APBB2: variants seen among roughly 807,000 people sequenced by gnomAD.
APBB2 encodes the protein Fe65-like 1.
Under a neutral mutation model 82.5 loss-of-function variants are expected in APBB2, and 38 were observed. That is an observed-to-expected ratio of 0.46 (90% CI 0.36 to 0.60). The LOEUF is 0.60. Ranked by LOEUF, APBB2 falls within the 20% of genes least tolerant of loss-of-function variation. The probability of loss-of-function intolerance (pLI) is 0.00; values close to 1 mark genes in which losing one functional copy is unlikely to be tolerated. For missense variants in APBB2, 772 were observed against 972.3 expected (o/e 0.79, Z 2.74); for synonymous variants, 341 against 368.2 (o/e 0.93, Z 0.85).
At chr4:41,110,327 G>A (rs575073417) in intron 2 of APBB2, among the ~76,000 whole-genome samples, 83 of 152,144 alleles carry the variant, frequency 5.5e-4, no homozygotes, top group African/African-American at 1.9e-3. Context: ...GACCTCAGCC[G>A]GACACGGTGG....
intron 3 of APBB2, among the ~76,000 whole-genome samples, chr4:41,070,926 T>C (rs1222049674): frequency 2.0e-5 from 3 of 152,226 alleles, no homozygotes; most frequent in East Asian, 3.8e-4. Flanking sequence ...TACAAAGTGT[T>C]TAGTGTGCAG....
At chr4:40,939,170 C>T (rs1300669731) in intron 7 of APBB2, among the ~76,000 whole-genome samples, 6 of 152,140 alleles carry the variant, frequency 3.9e-5, no homozygotes, top group Non-Finnish European at 8.8e-5. Context: ...TTATAAATTA[C>T]CCAGTTTCAG....
chr4:40,941,361 G>C (rs1251916692), intron 7 of APBB2, among the ~76,000 whole-genome samples: 1 of 152,124 alleles, frequency 6.6e-6, no homozygotes, highest in Non-Finnish European at 1.5e-5. Context: ...TATTAAGAAA[G>C]GTCATTTTCT....
intron 4 of APBB2, among the ~76,000 whole-genome samples, chr4:41,056,057 G>A (rs1323612603): frequency 6.6e-6 from 1 of 152,112 alleles, no homozygotes; most frequent in Admixed American, 6.5e-5. Context: ...AGCCAGGCAT[G>A]GTGGCAGGTG....
At chr4:40,834,004 C>T (rs1577796247) in intron 12 of APBB2, among the ~76,000 whole-genome samples, 1 of 152,330 alleles carries the variant, frequency 6.6e-6, no homozygotes, top group South Asian at 2.1e-4. Flanking sequence ...CTTCATTTTC[C>T]TCTGGCGCAG....
intron 6 of APBB2, among the ~76,000 whole-genome samples, chr4:41,012,552 A>C (rs1317279790): frequency 6.6e-6 from 1 of 152,174 alleles, no homozygotes; most frequent in African/African-American, 2.4e-5. Context: ...TTTAAAGGGC[A>C]CTTCAAAAAC....
intron 4 of APBB2, among the ~76,000 whole-genome samples, chr4:41,061,753 C>T (rs1729934050): frequency 6.6e-6 from 1 of 152,230 alleles, no homozygotes; most frequent in East Asian, 1.9e-4. Context: ...TGCCATTCTG[C>T]ATTCCATCCA....
intron 10 of APBB2, among the ~76,000 whole-genome samples, chr4:40,928,415 CACACACACACACA>C (rs200944169): frequency 0.14 from 12,566 of 87,716 alleles, 558 homozygotes; most frequent in Middle Eastern, 0.23. Context: ...CACACACACA[CACACACACACACA>C]ATCAGCCAGG....
chr4:41,098,230 GCT>G (rs1744224333), intron 3 of APBB2, among the ~76,000 whole-genome samples: 1 of 151,800 alleles, frequency 6.6e-6, no homozygotes, highest in African/African-American at 2.4e-5. Context: ...CAAGTGTCAG[GCT>G]GTAGGGCTAT....
At chr4:40,902,112 A>G (rs991262930) in intron 10 of APBB2, among the ~76,000 whole-genome samples, 1 of 152,216 alleles carries the variant, frequency 6.6e-6, no homozygotes, top group Non-Finnish European at 1.5e-5. Context: ...TTGTTTTGCT[A>G]TAATGTTGAT....
At chr4:40,851,293 C>T (rs1479669410) in intron 12 of APBB2, among the ~76,000 whole-genome samples, 1 of 152,154 alleles carries the variant, frequency 6.6e-6, no homozygotes, top group East Asian at 1.9e-4. Context: ...AACCAAACAA[C>T]CTTTTGCTCA....
intron 4 of APBB2, among the ~76,000 whole-genome samples, chr4:41,048,618 A>C (rs975296901): frequency 4.0e-5 from 6 of 151,620 alleles, no homozygotes; most frequent in Non-Finnish European, 5.9e-5. Context: ...CAAAAAATAA[A>C]AATATTCTCC....
At chr4:40,850,037 T>G (rs1758838254) in intron 12 of APBB2, among the ~76,000 whole-genome samples, 1 of 152,204 alleles carries the variant, frequency 6.6e-6, no homozygotes, top group African/African-American at 2.4e-5. Context: ...CAGGTTACTT[T>G]TTATAGGCAG....
chr4:41,077,220 A>C (rs956837806), intron 3 of APBB2, among the ~76,000 whole-genome samples: 1 of 142,100 alleles, frequency 7.0e-6, no homozygotes, highest in African/African-American at 2.6e-5. Flanking sequence ...TATGTTGCCC[A>C]GACTTGTCTG....
At chr4:41,150,734 G>A (rs1179724712) in intron 1 of APBB2, among the ~76,000 whole-genome samples, 2 of 151,988 alleles carry the variant, frequency 1.3e-5, no homozygotes, top group Admixed American at 6.6e-5. Context: ...CCTCCTCACC[G>A]TTTTTTGTTT....
At chr4:40,871,073 T>C (rs1765393305) in intron 12 of APBB2, among the ~76,000 whole-genome samples, 1 of 151,972 alleles carries the variant, frequency 6.6e-6, no homozygotes, top group Non-Finnish European at 1.5e-5. Context: ...CCCACTCAGG[T>C]AATCCAGGAT....
chr4:40,925,910 A>C (rs1218861811), intron 10 of APBB2, among the ~76,000 whole-genome samples: 1 of 152,214 alleles, frequency 6.6e-6, no homozygotes, highest in African/African-American at 2.4e-5. Context: ...TTCGCCATTC[A>C]GTTCAGAAAG....
In APBB2 at chr4:40,982,230, G is replaced by GAAAAGAAAGA. The variant is rs370409463; in HGVS notation, c.835+31352_835+31353insTCTTTCTTTT. Among the ~76,000 whole-genome samples, 19 of 5,894 alleles carry GAAAAGAAAGA rather than the reference G, an allele frequency of 3.2e-3. 1 individual carries two copies. Among genetic ancestry groups the GAAAAGAAAGA allele is most frequent in the African/African-American group, 8.1e-3 (14 of 1,728 alleles). The allele number at this position is 5,894 out of a possible 152,430, so 3.9% of individuals were successfully genotyped here. On this transcript the variant is annotated intron_variant, in intron 6 of 17. Coordinates refer to ENST00000508593, the MANE Select transcript of APBB2 (RefSeq NM_004307.2). ...AAAGAAAGAAAAGAAAGGAAAGAAA[G>GAAAAGAAAGA]AAAGAAAGAAAGAAAGAAAGAAAGA... is the stretch of plus-strand genomic sequence containing the variant.
rs371117334 is a variant in APBB2, at chr4:40,944,886, T to C, written c.1023A>G (p.Pro341=). The change falls in exon 7 of 18, where the codon CCA becomes CCG. Residue 341 remains proline, a synonymous_variant. Coordinates refer to ENST00000508593, the MANE Select transcript of APBB2 (RefSeq NM_004307.2). Reference sequence around the variant, plus strand: ...TTACCTCGTTCTCTGGGGTGGGAGATGGCGTTACAGAACTAAGTGACCCTT... The same window carrying C: ...TTACCTCGTTCTCTGGGGTGGGAGACGGCGTTACAGAACTAAGTGACCCTT... ...SRKGSLSSVT[P]SPTPENEKQP... 133 of 1,612,974 alleles carry C rather than the reference T, an allele frequency of 8.2e-5. No homozygotes were observed. Among genetic ancestry groups the C allele is most frequent in the Middle Eastern group, 3.9e-4 (2 of 5,182 alleles).
Sources: allele counts gnomAD v4.1 joint callset (sites outside exome capture counted in the v4.1 genomes callset), GRCh38; gene constraint gnomAD v4.1.1; transcripts MANE v1.5; gene names NCBI Gene and HGNC (gene_info 2026-07-23, HGNC 2026-07-21).